The following MAP2 variants were observed in gnomAD, a reference collection of about 807,000 sequenced individuals.
The protein encoded by MAP2 is microtubule associated protein 2, also known as microtubule-associated protein 2.
MAP2 carries 14 observed loss-of-function variants against 137.6 expected under a neutral mutation model. The observed-to-expected ratio is 0.10, with a 90% confidence interval of 0.07 to 0.16. The LOEUF is 0.16. Among genes scored for constraint, MAP2 ranks in the 10% least tolerant of loss-of-function variants. The probability of loss-of-function intolerance (pLI) is 1.00; values close to 1 mark genes in which losing one functional copy is unlikely to be tolerated. For synonymous variants in MAP2, 786 were observed against 782.3 expected (o/e 1.00, Z -0.08); for missense variants, 2,088 against 2,191.5 (o/e 0.95, Z 0.94).
chr2:209,486,749 G>A (rs983976160), intron 1 of MAP2, among the ~76,000 whole-genome samples: 5 of 152,194 alleles, frequency 3.3e-5, no homozygotes, highest in Admixed American at 1.3e-4. Context: ...AGGGGAAAAT[G>A]TAAGTTGATT....
At chr2:209,670,268 T>C (rs2153660737) in intron 5 of MAP2, among the ~76,000 whole-genome samples, 1 of 152,094 alleles carries the variant, frequency 6.6e-6, no homozygotes, top group Non-Finnish European at 1.5e-5. Flanking sequence ...AAACATGCAA[T>C]ACATTACTCC....
At chr2:209,438,928 AT>A (rs1459066562) in intron 1 of MAP2, among the ~76,000 whole-genome samples, 3 of 151,272 alleles carry the variant, frequency 2.0e-5, no homozygotes, top group African/African-American at 7.3e-5. Flanking sequence ...TAATAATAGA[AT>A]AAAATAGACC....
chr2:209,518,597 T>C (rs1289402454), intron 2 of MAP2, among the ~76,000 whole-genome samples: 1 of 152,004 alleles, frequency 6.6e-6, no homozygotes, highest in South Asian at 2.1e-4. Flanking sequence ...GTCTTCCACT[T>C]TTTTTCCCTA....
At chr2:209,487,557 A>T (rs948192998) in intron 1 of MAP2, among the ~76,000 whole-genome samples, 1 of 152,240 alleles carries the variant, frequency 6.6e-6, no homozygotes, top group African/African-American at 2.4e-5. Context: ...CTCAGTTGTA[A>T]ATCTGAGTAT....
chr2:209,458,990 A>G (rs1702156300), intron 1 of MAP2, among the ~76,000 whole-genome samples: 1 of 152,212 alleles, frequency 6.6e-6, no homozygotes, highest in Admixed American at 6.5e-5. Flanking sequence ...TATCTGACAA[A>G]TAATCATTGA....
chr2:209,539,542 A>G (rs147044152), intron 2 of MAP2, among the ~76,000 whole-genome samples: 10 of 152,326 alleles, frequency 6.6e-5, no homozygotes, highest in African/African-American at 2.4e-4. Flanking sequence ...TCATTTGAGT[A>G]TGTTCCTAAA....
At chr2:209,535,484 C>A (rs945008720) in intron 2 of MAP2, among the ~76,000 whole-genome samples, 1 of 151,820 alleles carries the variant, frequency 6.6e-6, no homozygotes, top group African/African-American at 2.4e-5. Context: ...AGCATCTTTT[C>A]GTCTCTCATA....
Position 209,540,097 on chromosome 2 carries a change from T to TAA in MAP2, c.-172+32481_-172+32482dup, listed in dbSNP as rs35280709. Among the ~76,000 whole-genome samples the TAA allele has an allele frequency of 3.5e-3, 137 of 39,506 alleles. 1 individual carries two copies. Among genetic ancestry groups the TAA allele is most frequent in the African/African-American group, 5.0e-3 (63 of 12,496 alleles). 25.9% of individuals were successfully genotyped at this position (39,506 alleles called of 152,430 possible). ...GACTGGGTGACAGAGGGAGACGTTGTAAAAAAAAAAAAAAAAAAAAAAAAA... is the reference window on the plus strand; with the variant it reads ...GACTGGGTGACAGAGGGAGACGTTGTAAAAAAAAAAAAAAAAAAAAAAAAAAA... On this transcript the variant is annotated intron_variant, in intron 2 of 15. Transcript: ENST00000682079.
chr2:209,488,372 C>T (rs1490913381), intron 1 of MAP2, among the ~76,000 whole-genome samples: 2 of 152,132 alleles, frequency 1.3e-5, no homozygotes, highest in Non-Finnish European at 2.9e-5. Context: ...TGGGCAGACA[C>T]TGAACTAGCT....
intron 1 of MAP2, among the ~76,000 whole-genome samples, chr2:209,460,804 A>G (rs1702598012): frequency 6.6e-6 from 1 of 152,128 alleles, no homozygotes; most frequent in African/African-American, 2.4e-5. Flanking sequence ...GCCAGAGTAC[A>G]GTGGCATAAT....
chr2:209,454,320 A>G (rs1337545173), intron 1 of MAP2, among the ~76,000 whole-genome samples: 2 of 152,112 alleles, frequency 1.3e-5, no homozygotes, highest in Non-Finnish European at 2.9e-5. Flanking sequence ...GAAATCATCA[A>G]TATATTCACT....
chr2:209,460,206 C>T lies in MAP2; in HGVS notation c.-222+35930C>T, dbSNP rs1702431086. ...TTTCCTCAATAAATTCTGGAATTAT[C>T]GTTTTCATGAAGTAAGAAGTATATA... is the stretch of plus-strand genomic sequence containing the variant. On this transcript the variant is annotated intron_variant, in intron 1 of 15. Transcript: ENST00000682079. 3.3e-5 allele frequency among the ~76,000 whole-genome samples: 5 copies of T among 152,214 alleles called. No homozygotes were observed. In the South Asian group the frequency reaches 1.0e-3, roughly 32 times the overall value.
At position 209,733,802 on chromosome 2, in the gene MAP2, T is replaced by A. The variant is rs2076092894; in HGVS notation, c.*3405T>A. ...TGGGTGTGTAGGTGAAGGCCAAGAC[T>A]CTCTGCAGGAAAAAGCTTATTTTCA... On this transcript the variant is annotated 3_prime_UTR_variant, in exon 16 of 16. Coordinates refer to ENST00000682079, the MANE Select transcript of MAP2 (RefSeq NM_001375505.1). 2.0e-5 allele frequency: 3 copies of A among 152,310 alleles called. No individual in the cohort carries two copies. Among genetic ancestry groups the A allele is most frequent in the Non-Finnish European group, 4.4e-5 (3 of 67,998 alleles). The allele number at this position is 152,310 out of a possible 1,614,324, so 9.4% of individuals were successfully genotyped here.
intron 3 of MAP2, among the ~76,000 whole-genome samples, chr2:209,594,515 G>C (rs1044854521): frequency 6.6e-6 from 1 of 151,954 alleles, no homozygotes; most frequent in Non-Finnish European, 1.5e-5. Flanking sequence ...ACGTTTCCCT[G>C]GTGTTTTTTC....
intron 2 of MAP2, among the ~76,000 whole-genome samples, chr2:209,546,490 G>A (rs956183317): frequency 2.0e-5 from 3 of 152,222 alleles, no homozygotes; most frequent in African/African-American, 7.2e-5. Flanking sequence ...TGTGGAGTCA[G>A]TTAAACTAAA....
At chr2:209,576,660 CAATT>C (rs1273273933) in intron 2 of MAP2, among the ~76,000 whole-genome samples, 3 of 152,252 alleles carry the variant, frequency 2.0e-5, no homozygotes, top group African/African-American at 4.8e-5. Flanking sequence ...TGTGCCATCA[CAATT>C]GATTGAATGG....
At chr2:209,704,762 AACAAAT>A (rs1341157790) in intron 11 of MAP2, 1 of 648,602 alleles carries the variant, frequency 1.5e-6, no homozygotes, top group South Asian at 6.6e-5. Flanking sequence ...CCCTTTTAAA[AACAAAT>A]ACAAATTTAA....
chr2:209,635,575 G>A (rs771536742), intron 4 of MAP2, among the ~76,000 whole-genome samples: 3 of 152,130 alleles, frequency 2.0e-5, no homozygotes, highest in Non-Finnish European at 2.9e-5. Flanking sequence ...TATTTACGTG[G>A]AGGGTAGCAG....
intron 13 of MAP2, among the ~76,000 whole-genome samples, chr2:209,723,373 A>G (rs1247972903): frequency 1.3e-5 from 2 of 152,168 alleles, no homozygotes; most frequent in Non-Finnish European, 1.5e-5. Flanking sequence ...GTACAGTGGG[A>G]TTTCTTAGCC....
Sources: allele counts gnomAD v4.1 joint callset (sites outside exome capture counted in the v4.1 genomes callset), GRCh38; gene constraint gnomAD v4.1.1; transcripts MANE v1.5; gene names NCBI Gene and HGNC (gene_info 2026-07-23, HGNC 2026-07-21).